Variants in DYNC2H1 observed in about 807,000 individuals in gnomAD.
DYNC2H1 encodes dynein cytoplasmic 2 heavy chain 1.
A neutral mutation model predicts 570.0 loss-of-function variants in DYNC2H1; 410 were observed. That is an observed-to-expected ratio of 0.72 (90% confidence interval 0.66 to 0.78). The LOEUF (loss-of-function observed/expected upper bound fraction) is 0.78. Ranked by LOEUF, DYNC2H1 falls within the 30% of genes least tolerant of loss-of-function variation. The pLI is 0.00. For synonymous variants in DYNC2H1, 1,688 were observed against 1,677.6 expected (o/e 1.01, Z -0.15); for missense variants, 4,865 against 5,046.4 (o/e 0.96, Z 1.09).
chr11:103,313,735 T>C (rs957881751), intron 79 of DYNC2H1, among the ~76,000 whole-genome samples: 12 of 152,356 alleles, frequency 7.9e-5, no homozygotes, highest in African/African-American at 2.6e-4. Context: ...AAATAGTGTA[T>C]GTTTAATGCT....
intron 85 of DYNC2H1, among the ~76,000 whole-genome samples, chr11:103,445,756 A>G (rs940008983): frequency 1.3e-5 from 2 of 152,112 alleles, no homozygotes; most frequent in Admixed American, 6.5e-5. Context: ...GGTTCACGCC[A>G]TTCTCCTGCC....
Position 103,243,768 on chromosome 11 carries a change from C to G in DYNC2H1, c.9895C>G (p.Arg3299Gly), listed in dbSNP as rs760475958. The change falls in exon 64 of 89, where the codon CGT becomes GGT. Residue 3299 changes from arginine to glycine, a missense_variant. This residue lies in a region of DYNC2H1 where 2,401 missense variants were observed against 2,454.6 expected (regional missense o/e 0.98). Transcript: ENST00000375735. This position sits in a 1 kb window ranked among gnomAD's most constrained non-coding sequence, Gnocchi z 4.8. ...EWLKTHLKDS[R>G]LEVINQQDSN... is the part of the protein sequence containing the mutation. Reference sequence around the variant, plus strand: ...GTTAAAAACACATTTGAAAGACTCACGTTTAGAAGTTATCAATCAGCAGGT... The same window carrying G: ...GTTAAAAACACATTTGAAAGACTCAGGTTTAGAAGTTATCAATCAGCAGGT... 1 of 1,596,248 alleles carries G rather than the reference C, an allele frequency of 6.3e-7. No individual in the cohort carries two copies. The highest frequency in any genetic ancestry group is 1.3e-5 in the African/African-American group (1 of 74,496).
chr11:103,143,220 A>G (rs1450007062), intron 17 of DYNC2H1, 48 bp from the exon 18 acceptor site: 3 of 1,580,242 alleles, frequency 1.9e-6, no homozygotes, highest in African/African-American at 1.4e-5. Context: ...ATATGTTAAC[A>G]TATTGGTTCT....
chr11:103,118,956 A>G (rs936489583), intron 6 of DYNC2H1, among the ~76,000 whole-genome samples: 3 of 152,086 alleles, frequency 2.0e-5, no homozygotes, highest in South Asian at 2.1e-4. Context: ...ATTAATCATG[A>G]AGAGTTACAA....
At position 103,439,802 on chromosome 11, in the gene DYNC2H1, G is replaced by A. The variant is rs569433523; in HGVS notation, c.12456+3770G>A. Among the ~76,000 whole-genome samples, 504 of 152,136 alleles carry A rather than the reference G, an allele frequency of 3.3e-3. 2 individuals carry two copies. The highest frequency in any genetic ancestry group is 6.8e-3 in the Middle Eastern group (2 of 294). On this transcript the variant is annotated intron_variant, in intron 85 of 88. Transcript: ENST00000375735. This position sits in a 1 kb window ranked among gnomAD's most constrained non-coding sequence, Gnocchi z 4.1. Reference sequence around the variant, plus strand: ...CTGCTGAATGAATGAATGAACAAAGGAATTAACAAATGAATGGACTGGACA... The same window carrying A: ...CTGCTGAATGAATGAATGAACAAAGAAATTAACAAATGAATGGACTGGACA...
intron 83 of DYNC2H1, among the ~76,000 whole-genome samples, chr11:103,364,806 C>T (rs1392276735): frequency 2.6e-5 from 4 of 152,128 alleles, no homozygotes; most frequent in Non-Finnish European, 5.9e-5. Context: ...TCCACAGAGC[C>T]AGCTGTGAGA....
chr11:103,338,923 T>C (rs185614131), intron 82 of DYNC2H1, among the ~76,000 whole-genome samples: 35 of 152,318 alleles, frequency 2.3e-4, no homozygotes, highest in African/African-American at 7.7e-4. Flanking sequence ...TATTTATTTC[T>C]GTCTTTGTGT....
chr11:103,117,804 T>C lies in DYNC2H1; in HGVS notation c.940T>C (p.Trp314Arg). 2 of 1,612,926 alleles carry C rather than the reference T, an allele frequency of 1.2e-6. No individual in the cohort carries two copies. The highest frequency in any genetic ancestry group is 1.7e-6 in the Non-Finnish European group (2 of 1,179,190). The change falls in exon 6 of 89, where the codon TGG (tryptophan) becomes CGG (arginine). Residue 314 changes from tryptophan to arginine, a missense_variant. Physicochemically the swap from Trp to Arg is moderately radical, Grantham distance 101 (BLOSUM62 -3). Coordinates refer to ENST00000375735, the MANE Select transcript of DYNC2H1 (RefSeq NM_001377.3). ...GTGGCAGCGCTATGTTCCTCATCCA[T>C]GGAAAAATGAAAAATATTTTCCAGA... ...QVWQRYVPHP[W>R]KNEKYFPETL...
rs1487040731 is a variant in DYNC2H1, at chr11:103,201,074, G to A, written c.8197+920G>A. 1.3e-5 allele frequency among the ~76,000 whole-genome samples: 2 copies of A among 152,024 alleles called. No homozygotes were observed. Among genetic ancestry groups the A allele is most frequent in the Non-Finnish European group, 2.9e-5 (2 of 67,992 alleles). ...ACTCCTGACTTCAGGTGATCCTCCC[G>A]CCTTGGCCTCCCAAAGTGCTGGGAT... is the stretch of plus-strand genomic sequence containing the variant. On this transcript the variant is annotated intron_variant, in intron 50 of 88. Transcript: ENST00000375735. This position sits in a 1 kb window ranked among gnomAD's most constrained non-coding sequence, Gnocchi z 4.8.
At chr11:103,126,609 T>C (rs1859013707) in intron 12 of DYNC2H1, among the ~76,000 whole-genome samples, 1 of 151,862 alleles carries the variant, frequency 6.6e-6, no homozygotes, top group Non-Finnish European at 1.5e-5. Context: ...GGATTTGATA[T>C]CAAGTTTCTC....
intron 4 of DYNC2H1, among the ~76,000 whole-genome samples, chr11:103,115,595 C>T (rs928375569): frequency 2.0e-5 from 3 of 152,050 alleles, no homozygotes; most frequent in Non-Finnish European, 2.9e-5. Context: ...GTCAGGAGTT[C>T]GAGACCAGCC....
chr11:103,207,946 G>A (rs1234212625), intron 52 of DYNC2H1, among the ~76,000 whole-genome samples: 1 of 152,110 alleles, frequency 6.6e-6, no homozygotes, highest in Non-Finnish European at 1.5e-5. Context: ...TAGGAAGATG[G>A]TGAATGACAG....
chr11:103,155,503 T>C lies in DYNC2H1; in HGVS notation c.3744+2T>C, dbSNP rs1415434851. On this transcript the variant is annotated splice_donor_variant, in intron 25 of 88. Transcript: ENST00000375735. LOFTEE classifies it high-confidence loss of function. Reference sequence around the variant, plus strand: ...GTAGCCAAAGCTGCCGACCTTAAAGTATGAATCACTTTTATAAATATCCCA... The same window carrying C: ...GTAGCCAAAGCTGCCGACCTTAAAGCATGAATCACTTTTATAAATATCCCA... 1 of 1,602,352 alleles carries C rather than the reference T, an allele frequency of 6.2e-7. No individual in the cohort carries two copies. Among genetic ancestry groups the C allele is most frequent in the Non-Finnish European group, 8.5e-7 (1 of 1,176,014 alleles).
At chr11:103,292,242 A>G (rs1056295990) in intron 75 of DYNC2H1, among the ~76,000 whole-genome samples, 3 of 119,536 alleles carry the variant, frequency 2.5e-5, no homozygotes, top group Non-Finnish European at 5.4e-5. Flanking sequence ...GCTTTTTTTT[A>G]TGTGTGTATG....
intron 75 of DYNC2H1, among the ~76,000 whole-genome samples, chr11:103,300,396 T>C (rs1057147646): frequency 5.3e-5 from 8 of 152,088 alleles, no homozygotes; most frequent in African/African-American, 1.7e-4. Context: ...ATTATTATTT[T>C]TGGCTCTCTA....
chr11:103,174,005 G>A, intron 35 of DYNC2H1, 50 bp from the exon 36 acceptor site: 1 of 1,299,370 alleles, frequency 7.7e-7, no homozygotes, highest in Non-Finnish European at 1.1e-6. Context: ...TATGATGAAA[G>A]TAATTTCTTC....
chr11:103,439,249 G>A lies in DYNC2H1; in HGVS notation c.12456+3217G>A, dbSNP rs1454789852. Among the ~76,000 whole-genome samples the A allele has an allele frequency of 2.0e-5, 3 of 152,114 alleles. No homozygotes were observed. Among genetic ancestry groups the A allele is most frequent in the Non-Finnish European group, 4.4e-5 (3 of 68,032 alleles). ...CTGGGAACTTAGTAGGAATAAACCAGATGAGGATGAGACGAAAGAATGTAT... is the reference window on the plus strand; with the variant it reads ...CTGGGAACTTAGTAGGAATAAACCAAATGAGGATGAGACGAAAGAATGTAT... On this transcript the variant is annotated intron_variant, in intron 85 of 88. Coordinates refer to ENST00000375735, the MANE Select transcript of DYNC2H1 (RefSeq NM_001377.3). This position sits in a 1 kb window ranked among gnomAD's most constrained non-coding sequence, Gnocchi z 4.1.
rs1451513584 is a variant in DYNC2H1, at chr11:103,170,808, A to G, written c.5152-78A>G. ...TGGGATAAATTATCACCTTATCAATAAGTAACATTAAATATTAAGTAGTTA... is the reference window on the plus strand; with the variant it reads ...TGGGATAAATTATCACCTTATCAATGAGTAACATTAAATATTAAGTAGTTA... On this transcript the variant is annotated intron_variant, in intron 33 of 88. Coordinates refer to ENST00000375735, the MANE Select transcript of DYNC2H1 (RefSeq NM_001377.3). This position sits in a 1 kb window ranked among gnomAD's most constrained non-coding sequence, Gnocchi z 4.8. The G allele has an allele frequency of 1.6e-6, 2 of 1,239,444 alleles. No individual in the cohort carries two copies. The highest frequency in any genetic ancestry group is 5.4e-5 in the East Asian group (2 of 36,746). 76.8% of individuals were successfully genotyped at this position (1,239,444 alleles called of 1,614,324 possible). A position where few individuals can be genotyped will look rare whatever the true frequency, so the allele number is the denominator to read the frequency against.
chr11:103,473,577 T>C (rs1323729373), intron 88 of DYNC2H1, among the ~76,000 whole-genome samples: 1 of 152,192 alleles, frequency 6.6e-6, no homozygotes, highest in Non-Finnish European at 1.5e-5. Context: ...GAAAGTCTTA[T>C]ATTAACATCT....
Sources: gnomAD v4.1 joint callset for allele counts (sites outside exome capture counted in the v4.1 genomes callset) on GRCh38, gnomAD v4.1.1 for gene constraint, gnomAD v4.1.1 regional missense constraint, Gnocchi (gnomAD v3.1) non-coding constraint, MANE v1.5 for transcripts, NCBI Gene and HGNC (gene_info 2026-07-23, HGNC 2026-07-21) for gene names.